The following ALPK2 variants were observed in gnomAD, a reference collection of about 807,000 sequenced individuals.
The protein encoded by ALPK2 is alpha-protein kinase 2.
Under a neutral mutation model 163.1 loss-of-function variants are expected in ALPK2, and 127 were observed. That is an observed-to-expected ratio of 0.78 (90% confidence interval 0.67 to 0.90). The LOEUF (loss-of-function observed/expected upper bound fraction) is 0.90. Among genes scored for constraint, ALPK2 ranks in the 40% least tolerant of loss-of-function variants. The pLI, the probability that ALPK2 is intolerant of heterozygous loss-of-function variation, is 0.00. For missense variants in ALPK2, 2,360 were observed against 2,589.6 expected, an observed-to-expected ratio of 0.91 and a Z score of 1.92; for synonymous variants, 953 against 959.1, an observed-to-expected ratio of 0.99 and a Z score of 0.12.
At chr18:58,490,633 A>C (rs2051369587) in intron 12 of ALPK2, among the ~76,000 whole-genome samples, 1 of 152,150 alleles carries the variant, frequency 6.6e-6, no homozygotes, top group Non-Finnish European at 1.5e-5. Flanking sequence ...CTGGAGAAAA[A>C]AAAAAAAGAA....
intron 10 of ALPK2, among the ~76,000 whole-genome samples, chr18:58,505,422 C>T (rs529664410): frequency 5.9e-5 from 9 of 152,244 alleles, no homozygotes; most frequent in Non-Finnish European, 1.2e-4. Flanking sequence ...TCTCACCTCC[C>T]GGTCTGTGCC....
intron 4 of ALPK2, among the ~76,000 whole-genome samples, chr18:58,550,595 T>G (rs1454744544): frequency 1.8e-5 from 2 of 111,754 alleles, no homozygotes; most frequent in South Asian, 6.6e-4. Flanking sequence ...ATACAACCCA[T>G]CCCCATCTAT....
At chr18:58,490,596 C>T (rs887717002) in intron 12 of ALPK2, among the ~76,000 whole-genome samples, 1 of 151,980 alleles carries the variant, frequency 6.6e-6, no homozygotes, top group African/African-American at 2.4e-5. Context: ...CAAGCCCTGG[C>T]TCTATGTTCC....
intron 12 of ALPK2, among the ~76,000 whole-genome samples, chr18:58,490,255 C>T (rs1389791919): frequency 3.3e-5 from 5 of 152,170 alleles, no homozygotes; most frequent in African/African-American, 4.8e-5. Context: ...GAGAAGTTGT[C>T]CCCCTTGAGG....
At chr18:58,522,817 A>G (rs926673631) in intron 8 of ALPK2, among the ~76,000 whole-genome samples, 2 of 152,034 alleles carry the variant, frequency 1.3e-5, no homozygotes, top group Admixed American at 6.5e-5. Flanking sequence ...GTAGCATCCA[A>G]TTCTGGATAT....
chr18:58,530,959 T>C (rs1602203331), intron 5 of ALPK2, among the ~76,000 whole-genome samples: 1 of 152,030 alleles, frequency 6.6e-6, no homozygotes, highest in African/African-American at 2.4e-5. Flanking sequence ...CCAGCACTTT[T>C]GGAGGCCGAG....
intron 10 of ALPK2, among the ~76,000 whole-genome samples, chr18:58,511,423 C>T (rs542410195): frequency 4.2e-4 from 64 of 152,300 alleles, no homozygotes; most frequent in African/African-American, 1.5e-3. Context: ...ACCCATCCAG[C>T]GGTTACATGC....
chr18:58,487,095 G>A (rs1181020110), intron 12 of ALPK2, among the ~76,000 whole-genome samples: 10 of 152,056 alleles, frequency 6.6e-5, no homozygotes, highest in Non-Finnish European at 1.5e-4. Context: ...TAGCATCCTT[G>A]CCCACCCCAT....
At chr18:58,597,757 A>G (rs2052048063) in intron 3 of ALPK2, among the ~76,000 whole-genome samples, 2 of 152,180 alleles carry the variant, frequency 1.3e-5, no homozygotes, top group Non-Finnish European at 2.9e-5. Flanking sequence ...CCACCAAGTC[A>G]TATGTTGAAG....
chr18:58,572,768 G>T lies in ALPK2; in HGVS notation c.1962+6046C>A, dbSNP rs143756357. 3.2e-3 allele frequency among the ~76,000 whole-genome samples: 480 copies of T among 152,312 alleles called. 2 individuals carry two copies. Among genetic ancestry groups the T allele is most frequent in the African/African-American group, 0.011 (452 of 41,574 alleles). On this transcript the variant is annotated intron_variant, in intron 4 of 12. Coordinates refer to ENST00000361673, the MANE Select transcript of ALPK2 (RefSeq NM_052947.4). Reference sequence around the variant, plus strand: ...ATTAAGGGTAATGCAAGGGATCTTTGTGGTAATGGAATTGTTCCGTATCTT... The same window carrying T: ...ATTAAGGGTAATGCAAGGGATCTTTTTGGTAATGGAATTGTTCCGTATCTT...
At chr18:58,553,616 T>G (rs1207450111) in intron 4 of ALPK2, among the ~76,000 whole-genome samples, 1 of 152,080 alleles carries the variant, frequency 6.6e-6, no homozygotes, top group Non-Finnish European at 1.5e-5. Context: ...TCCCAAGCTG[T>G]TCTCATGATA....
chr18:58,494,649 C>A (rs564333593), intron 12 of ALPK2, among the ~76,000 whole-genome samples: 3 of 152,024 alleles, frequency 2.0e-5, no homozygotes, highest in African/African-American at 7.3e-5. Context: ...AGGTACCAGC[C>A]CCCCCATAGA....
At chr18:58,486,577 G>A (rs1396529930) in intron 12 of ALPK2, among the ~76,000 whole-genome samples, 2 of 152,140 alleles carry the variant, frequency 1.3e-5, no homozygotes, top group African/African-American at 4.8e-5. Context: ...TTGTCTCCAC[G>A]CCACATTTCT....
In ALPK2 at chr18:58,590,132, A is replaced by T. The variant is rs1047827027; in HGVS notation, c.228-9584T>A. 8.0e-5 allele frequency among the ~76,000 whole-genome samples: 12 copies of T among 150,584 alleles called. No individual in the cohort carries two copies. In the South Asian group the frequency reaches 8.5e-4, roughly 11 times the overall value. On this transcript the variant is annotated intron_variant, in intron 3 of 12. Transcript: ENST00000361673. ...GCTACTTGGGAGGCTGAGGCAGGAG[A>T]GTCGCTTGAACCCAGGGGCGGAGAT... is the stretch of plus-strand genomic sequence containing the variant.
chr18:58,510,431 G>A, intron 10 of ALPK2, among the ~76,000 whole-genome samples: 2 of 152,218 alleles, frequency 1.3e-5, no homozygotes, highest in Non-Finnish European at 2.9e-5. Context: ...GAAAGTCATT[G>A]GTAGCTTGAT....
At chr18:58,483,724 G>GTTTTT in intron 12 of ALPK2, among the ~76,000 whole-genome samples, 1 of 113,052 alleles carries the variant, frequency 8.8e-6, no homozygotes, top group African/African-American at 4.2e-5. Flanking sequence ...CTAATTTTTT[G>GTTTTT]TATTTTTTTT....
At chr18:58,616,443 G>A (rs960057205) in intron 1 of ALPK2, among the ~76,000 whole-genome samples, 6 of 152,314 alleles carry the variant, frequency 3.9e-5, no homozygotes, top group African/African-American at 1.4e-4. Flanking sequence ...AGAAACGAAT[G>A]CCAAGAAAAG....
intron 10 of ALPK2, among the ~76,000 whole-genome samples, chr18:58,508,595 G>A (rs1025709465): frequency 6.6e-6 from 1 of 152,160 alleles, no homozygotes; most frequent in Admixed American, 6.5e-5. Flanking sequence ...TCCCACCAGT[G>A]CCATAACAGT....
chr18:58,578,318 A>G (rs1333785819), intron 4 of ALPK2: 1 of 152,872 alleles, frequency 6.5e-6, no homozygotes, highest in African/African-American at 2.4e-5. Flanking sequence ...AGACACACTG[A>G]AGTCTTTCAT....
Sources: allele counts gnomAD v4.1 joint callset (sites outside exome capture counted in the v4.1 genomes callset), GRCh38; gene constraint gnomAD v4.1.1; transcripts MANE v1.5; gene names NCBI Gene and HGNC (gene_info 2026-07-23, HGNC 2026-07-21).